MPPED1: variants seen among roughly 807,000 people sequenced by gnomAD.
MPPED1 encodes the protein metallophosphoesterase domain containing 1, also known as metallophosphoesterase domain-containing protein 1.
In MPPED1, 16 loss-of-function variants were observed where a neutral mutation model predicts 36.2. The ratio of observed to expected loss-of-function variants is 0.44; its 90% confidence interval spans 0.30 to 0.67. MPPED1 has a LOEUF of 0.67. Ranked by LOEUF, MPPED1 falls within the 30% of genes least tolerant of loss-of-function variation. The pLI is 0.10. For missense variants in MPPED1, 307 were observed against 453.4 expected (o/e 0.68, Z 2.93); for synonymous variants, 199 against 191.3 (o/e 1.04, Z -0.33).
chr22:43,454,460 A>G (rs1218589497), intron 3 of MPPED1, among the ~76,000 whole-genome samples: 1 of 152,082 alleles, frequency 6.6e-6, no homozygotes, highest in East Asian at 1.9e-4. Context: ...ATGTGCCACC[A>G]TGCCCAGCTT....
At chr22:43,451,024 C>CTTTTTTTTT (rs34974443) in intron 3 of MPPED1, among the ~76,000 whole-genome samples, 1 of 132,778 alleles carries the variant, frequency 7.5e-6, no homozygotes. Context: ...CTGCATCTGG[C>CTTTTTTTTT]TTTTTTTTTT....
At chr22:43,473,695 C>G (rs1247151139) in intron 3 of MPPED1, among the ~76,000 whole-genome samples, 5 of 152,142 alleles carry the variant, frequency 3.3e-5, no homozygotes, top group African/African-American at 4.8e-5. Flanking sequence ...CAGGCTGGCT[C>G]TCAGATGGAG....
At chr22:43,423,171 T>C (rs552759559) in intron 1 of MPPED1, among the ~76,000 whole-genome samples, 49 of 152,284 alleles carry the variant, frequency 3.2e-4, no homozygotes, top group African/African-American at 1.1e-3. Context: ...AGCTGGAGGC[T>C]CAGGGAAGTT....
At chr22:43,505,010 G>T (rs1180850079) in intron 6 of MPPED1, among the ~76,000 whole-genome samples, 2 of 152,032 alleles carry the variant, frequency 1.3e-5, no homozygotes, top group Non-Finnish European at 2.9e-5. Context: ...GGTAATGGTG[G>T]TGGAGGTAAC....
intron 2 of MPPED1, among the ~76,000 whole-genome samples, chr22:43,426,411 C>T (rs1405388279): frequency 6.6e-6 from 1 of 152,150 alleles, no homozygotes; most frequent in Non-Finnish European, 1.5e-5. Context: ...ATGACAGGGG[C>T]TGATCCAGTG....
chr22:43,499,541 ATGGTGGGTGG>A (rs1932557800), intron 5 of MPPED1, among the ~76,000 whole-genome samples: 6 of 35,842 alleles, frequency 1.7e-4, no homozygotes, highest in African/African-American at 5.6e-4. Context: ...GGTGGTGGTG[ATGGTGGGTGG>A]TGGTGGAGGT....
chr22:43,469,195 G>A (rs1041727918), intron 3 of MPPED1, among the ~76,000 whole-genome samples: 5 of 152,154 alleles, frequency 3.3e-5, no homozygotes, highest in African/African-American at 1.2e-4. Flanking sequence ...GGGAAGCTCC[G>A]CTGTGTGTCA....
At chr22:43,418,625 C>T (rs1435446852) in intron 1 of MPPED1, 2 of 164,640 alleles carry the variant, frequency 1.2e-5, no homozygotes, top group African/African-American at 4.8e-5. Flanking sequence ...TGTTTTCTGC[C>T]TGGCTGGTTC....
At chr22:43,462,422 T>C (rs1930986168) in intron 3 of MPPED1, among the ~76,000 whole-genome samples, 1 of 152,132 alleles carries the variant, frequency 6.6e-6, no homozygotes, top group Non-Finnish European at 1.5e-5. Context: ...CAACCTGGGA[T>C]TGCTATGTTT....
intron 3 of MPPED1, among the ~76,000 whole-genome samples, chr22:43,467,308 C>T (rs909811779): frequency 3.0e-4 from 46 of 152,208 alleles, no homozygotes; most frequent in African/African-American, 1.0e-3. Context: ...CTGGACAGGG[C>T]GCTCAGTACA....
At chr22:43,484,738 G>A (rs1377242297) in intron 4 of MPPED1, among the ~76,000 whole-genome samples, 1 of 152,156 alleles carries the variant, frequency 6.6e-6, no homozygotes, top group Non-Finnish European at 1.5e-5. Context: ...TGGCTGTAGA[G>A]CCTGTCATCT....
intron 2 of MPPED1, among the ~76,000 whole-genome samples, chr22:43,428,968 C>A (rs185521009): frequency 3.0e-4 from 45 of 152,190 alleles, no homozygotes; most frequent in African/African-American, 1.1e-3. Flanking sequence ...GTCCCCAGGG[C>A]CATGGCACCA....
chr22:43,421,486 TG>T (rs1929273602), intron 1 of MPPED1, among the ~76,000 whole-genome samples: 1 of 152,216 alleles, frequency 6.6e-6, no homozygotes, highest in African/African-American at 2.4e-5. Context: ...CCTGCTCCTC[TG>T]GGGCAAAGAC....
chr22:43,434,176 G>C (rs1161242405), intron 2 of MPPED1, among the ~76,000 whole-genome samples: 1 of 152,250 alleles, frequency 6.6e-6, no homozygotes, highest in Non-Finnish European at 1.5e-5. Flanking sequence ...TTTTTAAAAT[G>C]TTATTTTTGC....
At chr22:43,499,972 G>T (rs865779496) in intron 5 of MPPED1, among the ~76,000 whole-genome samples, 6 of 68,534 alleles carry the variant, frequency 8.8e-5, no homozygotes, top group East Asian at 5.1e-4. Flanking sequence ...GTGGTGATGG[G>T]GGTGGTGGTG....
chr22:43,463,812 TTTCTTTCTTTCTTTC>T (rs1931046228), intron 3 of MPPED1, among the ~76,000 whole-genome samples: 2 of 21,240 alleles, frequency 9.4e-5, no homozygotes, highest in African/African-American at 4.6e-4. Flanking sequence ...TTTTCTTTTC[TTTCTTTCTTTCTTTC>T]TTTCTTTCTT....
chr22:43,415,225 CAAAA>C (rs34357060), intron 1 of MPPED1, among the ~76,000 whole-genome samples: 9 of 49,414 alleles, frequency 1.8e-4, no homozygotes, highest in Non-Finnish European at 2.8e-4. Flanking sequence ...ATGTCAAAAG[CAAAA>C]AAAAAAAAAA....
chr22:43,446,398 G>A (rs1236316336), intron 3 of MPPED1, among the ~76,000 whole-genome samples: 8 of 152,168 alleles, frequency 5.3e-5, no homozygotes, highest in Non-Finnish European at 1.2e-4. Flanking sequence ...GTCATATGAT[G>A]GGGGTGTTCA....
intron 3 of MPPED1, among the ~76,000 whole-genome samples, chr22:43,444,775 C>T (rs1340362366): frequency 1.3e-5 from 2 of 151,208 alleles, no homozygotes; most frequent in Non-Finnish European, 2.9e-5. Flanking sequence ...TCTGAAAGTC[C>T]TGGACTGTCT....
Sources: gnomAD v4.1 joint callset for allele counts (sites outside exome capture counted in the v4.1 genomes callset) on GRCh38, gnomAD v4.1.1 for gene constraint, MANE v1.5 for transcripts, NCBI Gene and HGNC (gene_info 2026-07-23, HGNC 2026-07-21) for gene names.